Variants in PDE3A observed in about 807,000 individuals in gnomAD.
The protein encoded by PDE3A is phosphodiesterase 3A.
A neutral mutation model predicts 98.3 loss-of-function variants in PDE3A; 43 were observed. The ratio of observed to expected loss-of-function variants is 0.44; its 90% CI spans 0.34 to 0.56. PDE3A has a LOEUF of 0.56. Among genes scored for constraint, PDE3A ranks in the 20% least tolerant of loss-of-function variants. The pLI is 0.01. For synonymous variants in PDE3A, 663 were observed against 567.9 expected (o/e 1.17, Z -2.38); for missense variants, 1,427 against 1,440.7 (o/e 0.99, Z 0.15).
At chr12:20,419,281 G>C (rs1295571533) in intron 1 of PDE3A, among the ~76,000 whole-genome samples, 2 of 151,154 alleles carry the variant, frequency 1.3e-5, no homozygotes, top group Non-Finnish European at 2.9e-5. Context: ...TATTTTTTTT[G>C]CTTATACCAG....
chr12:20,543,087 G>A (rs1396470495), intron 1 of PDE3A, among the ~76,000 whole-genome samples: 2 of 151,864 alleles, frequency 1.3e-5, no homozygotes, highest in African/African-American at 4.8e-5. Context: ...TAGGGGTTTG[G>A]GTTTCACCTG....
chr12:20,571,255 G>A (rs925127677), intron 2 of PDE3A, among the ~76,000 whole-genome samples: 1 of 152,140 alleles, frequency 6.6e-6, no homozygotes, highest in African/African-American at 2.4e-5. Flanking sequence ...AATGTTTGAT[G>A]AGGAAATGAG....
At chr12:20,507,099 C>T (rs909512016) in intron 1 of PDE3A, among the ~76,000 whole-genome samples, 38 of 151,850 alleles carry the variant, frequency 2.5e-4, no homozygotes, top group African/African-American at 8.9e-4. Context: ...TGCACAGTTC[C>T]GCATTCACTT....
intron 1 of PDE3A, among the ~76,000 whole-genome samples, chr12:20,382,982 T>G (rs12300264): frequency 0.4 from 61,091 of 151,842 alleles, 13,911 homozygotes; most frequent in South Asian, 0.52. Flanking sequence ...GGGAGTTAAA[T>G]TGTAAGCAAA....
At chr12:20,543,536 A>T (rs1275467192) in intron 1 of PDE3A, among the ~76,000 whole-genome samples, 1 of 151,978 alleles carries the variant, frequency 6.6e-6, no homozygotes, top group East Asian at 1.9e-4. Flanking sequence ...AGATTTTTCC[A>T]CTGTTAATGC....
At chr12:20,669,310 C>T (rs959436058) in intron 15 of PDE3A, among the ~76,000 whole-genome samples, 2 of 152,052 alleles carry the variant, frequency 1.3e-5, no homozygotes, top group African/African-American at 4.8e-5. Flanking sequence ...CCCAATCTAG[C>T]AAGGCAGGCC....
intron 2 of PDE3A, among the ~76,000 whole-genome samples, chr12:20,560,456 T>C (rs1942485502): frequency 6.6e-6 from 1 of 152,010 alleles, no homozygotes; most frequent in African/African-American, 2.4e-5. Flanking sequence ...GTAGCAGATG[T>C]CTTTGGGTTT....
chr12:20,672,201 T>C (rs1171303989), intron 15 of PDE3A, among the ~76,000 whole-genome samples: 11 of 146,876 alleles, frequency 7.5e-5, no homozygotes, highest in African/African-American at 1.3e-4. Context: ...TAAAAGAGGA[T>C]AAAAACAAAT....
At chr12:20,619,724 G>A (rs1944088349) in intron 4 of PDE3A, among the ~76,000 whole-genome samples, 2 of 151,988 alleles carry the variant, frequency 1.3e-5, no homozygotes, top group Non-Finnish European at 2.9e-5. Flanking sequence ...TTACTTAATT[G>A]CATTTTATAA....
intron 2 of PDE3A, among the ~76,000 whole-genome samples, chr12:20,597,969 T>C (rs1298515878): frequency 2.0e-5 from 3 of 152,160 alleles, no homozygotes; most frequent in African/African-American, 2.4e-5. Flanking sequence ...AATTCTATCA[T>C]ACTTATGTTT....
At chr12:20,646,631 T>C in intron 11 of PDE3A, 28 bp downstream of exon 11, 1 of 1,417,448 alleles carries the variant, frequency 7.1e-7, no homozygotes, top group Non-Finnish European at 1.0e-6. Flanking sequence ...CTGCACTGCC[T>C]TATGAAAGAT....
intron 1 of PDE3A, among the ~76,000 whole-genome samples, chr12:20,423,792 C>T (rs1209987885): frequency 6.6e-6 from 1 of 152,074 alleles, no homozygotes; most frequent in African/African-American, 2.4e-5. Context: ...TGGTGGTATG[C>T]AGGGACAGCT....
At chr12:20,636,584 A>G (rs939073777) in intron 8 of PDE3A, among the ~76,000 whole-genome samples, 5 of 152,186 alleles carry the variant, frequency 3.3e-5, no homozygotes, top group Non-Finnish European at 7.4e-5. Context: ...TATAGGATTA[A>G]TGTCCATTTT....
chr12:20,475,917 A>G (rs987081099), intron 1 of PDE3A, among the ~76,000 whole-genome samples: 8 of 152,198 alleles, frequency 5.3e-5, no homozygotes, highest in Non-Finnish European at 1.2e-4. Flanking sequence ...ATAAGCACCC[A>G]AGTAGAAACC....
chr12:20,626,205 T>A (rs900625469), intron 5 of PDE3A, among the ~76,000 whole-genome samples: 39 of 147,984 alleles, frequency 2.6e-4, no homozygotes, highest in Middle Eastern at 3.4e-3. Flanking sequence ...CTGAAATAAT[T>A]TATTTATAGT....
At position 20,470,603 on chromosome 12, in the gene PDE3A, A is replaced by G. The variant is rs931422564; in HGVS notation, c.961-86057A>G. On this transcript the variant is annotated intron_variant, in intron 1 of 15. Coordinates refer to ENST00000359062, the MANE Select transcript of PDE3A (RefSeq NM_000921.5). ...CACTTGAAGTATTTTAGGCAGGACT[A>G]GGGAACAATGTAAGGATGTAAAAGT... 6.6e-5 allele frequency among the ~76,000 whole-genome samples: 10 copies of G among 152,192 alleles called. No homozygotes were observed. In the East Asian group the frequency reaches 1.5e-3, roughly 23 times the overall value.
At chr12:20,479,585 G>T (rs1407843590) in intron 1 of PDE3A, among the ~76,000 whole-genome samples, 2 of 152,196 alleles carry the variant, frequency 1.3e-5, no homozygotes, top group Admixed American at 1.3e-4. Flanking sequence ...CACTGCAGAA[G>T]AATGTTTTGG....
At chr12:20,481,176 T>G (rs1389136767) in intron 1 of PDE3A, among the ~76,000 whole-genome samples, 1 of 152,204 alleles carries the variant, frequency 6.6e-6, no homozygotes, top group African/African-American at 2.4e-5. Flanking sequence ...ATATGTTAAC[T>G]GAGGTGTAGA....
At chr12:20,442,081 G>A (rs780685618) in intron 1 of PDE3A, among the ~76,000 whole-genome samples, 15 of 152,130 alleles carry the variant, frequency 9.9e-5, no homozygotes, top group South Asian at 2.1e-4. Context: ...GTGAAATATT[G>A]AACTGCTTAT....
Sources: gnomAD v4.1 joint callset for allele counts (sites outside exome capture counted in the v4.1 genomes callset) on GRCh38, gnomAD v4.1.1 for gene constraint, MANE v1.5 for transcripts, NCBI Gene and HGNC (gene_info 2026-07-23, HGNC 2026-07-21) for gene names.